SVIL: variants seen among roughly 807,000 people sequenced by gnomAD.
SVIL encodes the protein archvillin.
A neutral mutation model predicts 240.4 loss-of-function variants in SVIL; 101 were observed. The observed-to-expected ratio is 0.42, with a 90% CI of 0.36 to 0.50. The LOEUF (loss-of-function observed/expected upper bound fraction) is 0.50, where lower values mean the gene tolerates loss of function less well. Among genes scored for constraint, SVIL ranks in the 20% least tolerant of loss-of-function variants. The pLI, the probability that SVIL is intolerant of heterozygous loss-of-function variation, is 0.01. For synonymous variants in SVIL, 999 were observed against 1,100.0 expected (o/e 0.91, Z 1.82); for missense variants, 2,512 against 2,818.7 (o/e 0.89, Z 2.46).
In SVIL at chr10:29,696,603, C is replaced by T. The variant is rs867848979; in HGVS notation, c.-399-9952G>A. 7.2e-4 allele frequency among the ~76,000 whole-genome samples: 109 copies of T among 151,406 alleles called. 1 individual carries two copies. The highest frequency in any genetic ancestry group is 6.9e-3 in the Middle Eastern group (2 of 288). ...GATGTGGGGAGCGCCTCTGCCCCGCCGCCCCGTCTGGGATGTGAGGAGCGC... is the reference window on the plus strand; with the variant it reads ...GATGTGGGGAGCGCCTCTGCCCCGCTGCCCCGTCTGGGATGTGAGGAGCGC... On this transcript the variant is annotated intron_variant, in intron 1 of 35. Coordinates refer to the SVIL transcript ENST00000375400.
intron 2 of SVIL, among the ~76,000 whole-genome samples, chr10:29,686,130 A>T (rs1309188277): frequency 6.6e-6 from 1 of 152,244 alleles, no homozygotes; most frequent in Non-Finnish European, 1.5e-5. Flanking sequence ...CTTGAAGTAG[A>T]GAGAAAAAAT....
intron 2 of SVIL, among the ~76,000 whole-genome samples, chr10:29,658,514 T>C (rs937456286): frequency 1.3e-5 from 2 of 152,212 alleles, no homozygotes; most frequent in African/African-American, 4.8e-5. Context: ...CCTGGCACTT[T>C]GGAAGGTTGA....
At chr10:29,499,611 A>G (rs923444398) in intron 17 of SVIL, among the ~76,000 whole-genome samples, 1 of 152,132 alleles carries the variant, frequency 6.6e-6, no homozygotes, top group African/African-American at 2.4e-5. Context: ...CTCTGTCTTA[A>G]CCCATCTAGT....
intron 1 of SVIL, among the ~76,000 whole-genome samples, chr10:29,707,961 T>A (rs902737971): frequency 1.3e-5 from 2 of 151,806 alleles, no homozygotes; most frequent in African/African-American, 2.4e-5. Context: ...AAAATAACTT[T>A]AAAAAAAATG....
Position 29,634,861 on chromosome 10 carries a change from T to C in SVIL, c.-642A>G, listed in dbSNP as rs1016854997. ...TTTTGAAGTTTTTCGTCCCCTAGTG[T>C]CCTCGAGGCTGAACTTCCCCAACCT... On this transcript the variant is annotated 5_prime_UTR_variant, in exon 1 of 38. Transcript: ENST00000355867. The C allele has an allele frequency of 1.3e-5, 2 of 152,058 alleles. No individual in the cohort carries two copies. Among genetic ancestry groups the C allele is most frequent in the African/African-American group, 4.8e-5 (2 of 41,404 alleles). 9.4% of individuals were successfully genotyped at this position (152,058 alleles called of 1,614,324 possible). A position where few individuals can be genotyped will look rare whatever the true frequency, so the allele number is the denominator to read the frequency against.
At chr10:29,577,405 C>A (rs1052805208) in intron 1 of SVIL, among the ~76,000 whole-genome samples, 6 of 152,166 alleles carry the variant, frequency 3.9e-5, no homozygotes, top group African/African-American at 1.2e-4. Context: ...CATAGCTTAG[C>A]TCCCACTTAT....
At chr10:29,733,519 G>C (rs181279047) in intron 1 of SVIL, among the ~76,000 whole-genome samples, 2 of 152,074 alleles carry the variant, frequency 1.3e-5, no homozygotes, top group Non-Finnish European at 2.9e-5. Context: ...TGTCCAGGCT[G>C]GTCTCAAACT....
chr10:29,736,028 TG>T (rs1018185391), upstream of SVIL, among the ~76,000 whole-genome samples: 23 of 151,584 alleles, frequency 1.5e-4, no homozygotes, highest in Non-Finnish European at 3.2e-4. Context: ...GCGGAGAGGG[TG>T]GGGACACAGA....
intron 32 of SVIL, 109 bp downstream of exon 32, chr10:29,470,167 T>A (rs1010407755): frequency 1.6e-6 from 2 of 1,277,386 alleles, no homozygotes; most frequent in Non-Finnish European, 2.2e-6. Flanking sequence ...TTTGCTGCAG[T>A]CACTTTCAGC....
chr10:29,468,080 A>G (rs941397187), intron 32 of SVIL, among the ~76,000 whole-genome samples: 1 of 152,202 alleles, frequency 6.6e-6, no homozygotes, highest in Non-Finnish European at 1.5e-5. Context: ...GAACATTTTC[A>G]TCTCCCGGAA....
chr10:29,600,594 C>G (rs1393445518), intron 1 of SVIL, among the ~76,000 whole-genome samples: 1 of 152,210 alleles, frequency 6.6e-6, no homozygotes, highest in Non-Finnish European at 1.5e-5. Context: ...CTTTTATAAA[C>G]AGCAGCATCA....
At chr10:29,611,392 C>T (rs976399673) in intron 1 of SVIL, among the ~76,000 whole-genome samples, 1 of 151,656 alleles carries the variant, frequency 6.6e-6, no homozygotes, top group South Asian at 2.1e-4. Flanking sequence ...GAATAGGGAC[C>T]GAGGTGGGGG....
chr10:29,545,932 T>C (rs954715986), intron 6 of SVIL, among the ~76,000 whole-genome samples: 5 of 151,716 alleles, frequency 3.3e-5, no homozygotes, highest in Admixed American at 3.3e-4. Context: ...TTTCATTCCC[T>C]TTGCCAGTCA....
intron 2 of SVIL, among the ~76,000 whole-genome samples, chr10:29,669,878 C>A (rs979959664): frequency 1.3e-5 from 2 of 152,122 alleles, no homozygotes; most frequent in African/African-American, 4.8e-5. Flanking sequence ...GTTTGGGAGG[C>A]TGAGATGAGA....
chr10:29,523,140 C>T (rs559126396), intron 15 of SVIL, among the ~76,000 whole-genome samples: 1 of 152,176 alleles, frequency 6.6e-6, no homozygotes, highest in South Asian at 2.1e-4. Flanking sequence ...CCAGCCTGGA[C>T]CTTTGGGGTC....
intron 1 of SVIL, among the ~76,000 whole-genome samples, chr10:29,713,465 C>T (rs559649062): frequency 1.2e-4 from 19 of 152,258 alleles, no homozygotes; most frequent in African/African-American, 3.1e-4. Flanking sequence ...CATTCCTCCA[C>T]GATCTGATTT....
rs767591328 is a variant in SVIL, at chr10:29,550,877, T to C, written c.547A>G (p.Lys183Glu). 1 of 1,614,018 alleles carries C rather than the reference T, an allele frequency of 6.2e-7. No individual in the cohort carries two copies. Among genetic ancestry groups the C allele is most frequent in the Non-Finnish European group, 8.5e-7 (1 of 1,179,992 alleles). Residue 183 changes from lysine (K) to glutamate (E), a missense_variant, in exon 6 of 38, where the codon AAG (lysine) becomes GAG (glutamate). Transcript: ENST00000355867. Reference sequence around the variant, plus strand: ...TCACCCACATGGAGGGCATAGTCCTTGGATTCACCGGCACAGGTCCTGAGC... The same window carrying C: ...TCACCCACATGGAGGGCATAGTCCTCGGATTCACCGGCACAGGTCCTGAGC... ...MGLRTCAGES[K>E]DYALHVGDGS...
intron 1 of SVIL, among the ~76,000 whole-genome samples, chr10:29,714,334 C>T (rs565010877): frequency 2.0e-5 from 3 of 152,110 alleles, no homozygotes; most frequent in South Asian, 2.1e-4. Flanking sequence ...TCAAAAAAGG[C>T]GAAGACTATG....
chr10:29,519,139 G>A (rs1950405065), intron 16 of SVIL, among the ~76,000 whole-genome samples: 1 of 152,150 alleles, frequency 6.6e-6, no homozygotes, highest in Admixed American at 6.5e-5. Context: ...CCTGTTAAGA[G>A]CATGTGAACT....
Sources: gnomAD v4.1 joint callset for allele counts (sites outside exome capture counted in the v4.1 genomes callset) on GRCh38, gnomAD v4.1.1 for gene constraint, MANE v1.5 for transcripts, NCBI Gene and HGNC (gene_info 2026-07-23, HGNC 2026-07-21) for gene names.